Variants in ANO3 observed in about 807,000 individuals in gnomAD.
ANO3 encodes anoctamin-3.
In ANO3, 99 loss-of-function variants were observed where a neutral mutation model predicts 144.8. That is an observed-to-expected ratio of 0.68 (90% confidence interval 0.58 to 0.81). The LOEUF (loss-of-function observed/expected upper bound fraction) is 0.81. Among genes scored for constraint, ANO3 ranks in the 30% least tolerant of loss-of-function variants. The pLI is 0.00. For missense variants in ANO3, 905 were observed against 1,202.2 expected (o/e 0.75, Z 3.66); for synonymous variants, 414 against 392.6 (o/e 1.05, Z -0.64).
rs141413135 is a variant in ANO3 at position 26,464,471 on chromosome 11, A to G, written c.432+1323A>G. On this transcript the variant is annotated intron_variant, in intron 4 of 26. Transcript: ENST00000256737. ...TGGAAGACAAACACAATATGCTGAA[A>G]TAATTAGAAAATGAACTACGATTAA... 8.7e-3 allele frequency among the ~76,000 whole-genome samples: 1,323 copies of G among 152,006 alleles called. 10 individuals carry two copies. The highest frequency in any genetic ancestry group is 0.012 in the Non-Finnish European group (832 of 67,826).
chr11:26,425,362 C>G (rs1857889378), intron 1 of ANO3, among the ~76,000 whole-genome samples: 1 of 151,980 alleles, frequency 6.6e-6, no homozygotes, highest in African/African-American at 2.4e-5. Context: ...TCCCATTTGC[C>G]TCAAAGGGCT....
At chr11:26,407,088 A>ATATATG (rs1302437230) in intron 1 of ANO3, among the ~76,000 whole-genome samples, 1 of 143,258 alleles carries the variant, frequency 7.0e-6, no homozygotes, top group Non-Finnish European at 1.5e-5. Flanking sequence ...ATATATATAT[A>ATATATG]TATATGTATA....
chr11:26,570,117 C>A (rs1850761072), intron 14 of ANO3, among the ~76,000 whole-genome samples: 1 of 151,932 alleles, frequency 6.6e-6, no homozygotes, highest in South Asian at 2.1e-4. Flanking sequence ...TCTAAACTTT[C>A]CTGTATATAT....
chr11:26,472,480 T>G (rs553908699), intron 4 of ANO3, among the ~76,000 whole-genome samples: 1 of 151,850 alleles, frequency 6.6e-6, no homozygotes, highest in East Asian at 1.9e-4. Context: ...ACACAGCTGG[T>G]AAGGAGGAGG....
At chr11:26,258,833 T>C (rs1326788446) in intron 1 of ANO3, among the ~76,000 whole-genome samples, 1 of 152,178 alleles carries the variant, frequency 6.6e-6, no homozygotes, top group Non-Finnish European at 1.5e-5. Context: ...TTCAAGATGG[T>C]TCAAATTTTT....
At chr11:26,396,597 A>C (rs1038447380) in intron 1 of ANO3, among the ~76,000 whole-genome samples, 1 of 118,980 alleles carries the variant, frequency 8.4e-6, no homozygotes, top group African/African-American at 3.1e-5. Flanking sequence ...ATACACACCA[A>C]GGAATACTAT....
chr11:26,581,285 T>A (rs998300133), intron 14 of ANO3, among the ~76,000 whole-genome samples: 2 of 149,480 alleles, frequency 1.3e-5, no homozygotes, highest in Admixed American at 6.8e-5. Context: ...AGTTCTCTTC[T>A]TTGGAAATAT....
At chr11:26,575,663 A>C (rs1356676361) in intron 14 of ANO3, among the ~76,000 whole-genome samples, 1 of 152,196 alleles carries the variant, frequency 6.6e-6, no homozygotes, top group Non-Finnish European at 1.5e-5. Flanking sequence ...GAGATAAATA[A>C]TTTCACAAAA....
chr11:26,560,849 A>G, intron 14 of ANO3: 2 of 436,726 alleles, frequency 4.6e-6, no homozygotes, highest in East Asian at 4.0e-5. Context: ...AATTAAGGCT[A>G]CTTAGTAAAT....
At chr11:26,435,237 G>A (rs1205190406) in intron 1 of ANO3, among the ~76,000 whole-genome samples, 1 of 152,160 alleles carries the variant, frequency 6.6e-6, no homozygotes, top group Non-Finnish European at 1.5e-5. Context: ...TTAAGAATGT[G>A]AATACAGGCC....
At chr11:26,386,290 A>G (rs1187166696) in intron 1 of ANO3, among the ~76,000 whole-genome samples, 2 of 152,220 alleles carry the variant, frequency 1.3e-5, no homozygotes, top group African/African-American at 4.8e-5. Flanking sequence ...AAATAAGTAT[A>G]TAAATGGAGG....
chr11:26,326,076 T>C (rs998466177), intron 1 of ANO3, among the ~76,000 whole-genome samples: 5 of 152,168 alleles, frequency 3.3e-5, no homozygotes, highest in African/African-American at 1.2e-4. Context: ...CAGTTTCAAA[T>C]CTGTGTTATT....
chr11:26,626,152 A>G (rs1852576433), intron 18 of ANO3, among the ~76,000 whole-genome samples: 1 of 152,174 alleles, frequency 6.6e-6, no homozygotes, highest in African/African-American at 2.4e-5. Context: ...ATAATTTTGA[A>G]TCTTTTCTCA....
chr11:26,355,866 G>A (rs566621726), intron 1 of ANO3, among the ~76,000 whole-genome samples: 8 of 152,200 alleles, frequency 5.3e-5, no homozygotes, highest in South Asian at 2.1e-4. Flanking sequence ...AGCCCCCGCC[G>A]AAAATTCATA....
chr11:26,268,789 T>C lies in ANO3; in HGVS notation c.155-40856T>C, dbSNP rs148061313. On this transcript the variant is annotated intron_variant, in intron 1 of 27. Transcript: ENST00000672621. ...AGCCTAAATGATTTCACTGACAACATAGTTTTCTTAATTGCCCCACACAAC... is the reference window on the plus strand; with the variant it reads ...AGCCTAAATGATTTCACTGACAACACAGTTTTCTTAATTGCCCCACACAAC... Among the ~76,000 whole-genome samples the C allele has an allele frequency of 1.1e-4, 16 of 152,202 alleles. No individual in the cohort carries two copies. In the East Asian group the frequency reaches 2.5e-3, roughly 24 times the overall value.
intron 14 of ANO3, among the ~76,000 whole-genome samples, chr11:26,594,388 A>G (rs10835005): frequency 0.58 from 88,210 of 152,018 alleles, 27,615 homozygotes; most frequent in East Asian, 0.81. Context: ...TCTCATTTGG[A>G]GTTAGTGCCT....
chr11:26,396,015 G>C (rs1313958436), intron 1 of ANO3, among the ~76,000 whole-genome samples: 3 of 151,984 alleles, frequency 2.0e-5, no homozygotes, highest in Non-Finnish European at 4.4e-5. Context: ...CAACTTACAG[G>C]ATGGGAGAAA....
intron 3 of ANO3, among the ~76,000 whole-genome samples, chr11:26,448,967 C>T (rs1189669104): frequency 1.3e-5 from 2 of 152,198 alleles, no homozygotes; most frequent in Non-Finnish European, 2.9e-5. Context: ...ACAGGACTCA[C>T]AGAAAGCTTT....
intron 1 of ANO3, among the ~76,000 whole-genome samples, chr11:26,314,547 T>TA (rs1854577983): frequency 6.6e-6 from 1 of 152,158 alleles, no homozygotes; most frequent in Admixed American, 6.5e-5. Flanking sequence ...GGCAGTGCCC[T>TA]ATGATTATAA....
Sources: allele counts gnomAD v4.1 joint callset (sites outside exome capture counted in the v4.1 genomes callset), GRCh38; gene constraint gnomAD v4.1.1; transcripts MANE v1.5; gene names NCBI Gene and HGNC (gene_info 2026-07-23, HGNC 2026-07-21).